The following RANBP17 variants were observed in gnomAD, a reference collection of about 807,000 sequenced individuals.
RANBP17 encodes ran-binding protein 17.
RANBP17 carries 158 observed loss-of-function variants against 141.2 expected under a neutral mutation model. That is an observed-to-expected ratio of 1.12 (90% confidence interval 0.98 to 1.28). The LOEUF (loss-of-function observed/expected upper bound fraction) is 1.28. RANBP17 is among the 50% of genes most tolerant of loss of function. The pLI is 0.00. For missense variants in RANBP17, 1,438 were observed against 1,290.7 expected, an observed-to-expected ratio of 1.11 and a Z score of -1.75; for synonymous variants, 430 against 450.0, an observed-to-expected ratio of 0.96 and a Z score of 0.56.
intron 1 of RANBP17, among the ~76,000 whole-genome samples, chr5:170,875,610 TG>T (rs1418195274): frequency 1.3e-5 from 2 of 152,324 alleles, no homozygotes; most frequent in African/African-American, 4.8e-5. Flanking sequence ...TATTGATACT[TG>T]TGTATGCTTC....
chr5:171,045,037 T>C (rs1782480704), intron 14 of RANBP17, among the ~76,000 whole-genome samples: 1 of 152,092 alleles, frequency 6.6e-6, no homozygotes, highest in Non-Finnish European at 1.5e-5. Context: ...ATGATTCCTT[T>C]AATTATTTTG....
chr5:171,131,972 T>A (rs1756952624), intron 14 of RANBP17, among the ~76,000 whole-genome samples: 1 of 152,238 alleles, frequency 6.6e-6, no homozygotes, highest in Non-Finnish European at 1.5e-5. Context: ...TTATGTTTTG[T>A]CATTTATCTC....
intron 14 of RANBP17, among the ~76,000 whole-genome samples, chr5:171,116,539 C>G (rs762470738): frequency 2.0e-5 from 3 of 152,066 alleles, no homozygotes; most frequent in African/African-American, 4.8e-5. Flanking sequence ...TGTTTTAAAA[C>G]ATTTTCTAAT....
chr5:170,928,170 C>G (rs77453564), intron 12 of RANBP17, among the ~76,000 whole-genome samples: 2,701 of 152,070 alleles, frequency 0.018, 72 homozygotes, highest in African/African-American at 0.061. Context: ...TGTGAAAAGT[C>G]TGTTGCCCAT....
chr5:171,263,488 A>G (rs145648280), intron 24 of RANBP17, among the ~76,000 whole-genome samples: 23 of 152,340 alleles, frequency 1.5e-4, no homozygotes, highest in African/African-American at 5.5e-4. Flanking sequence ...AGTAAATGAG[A>G]TAATAATTTT....
intron 14 of RANBP17, among the ~76,000 whole-genome samples, chr5:171,079,621 G>A (rs1030805403): frequency 2.6e-5 from 4 of 152,128 alleles, no homozygotes; most frequent in Non-Finnish European, 4.4e-5. Context: ...CACCAACATC[G>A]AGGCCAGACC....
chr5:171,011,171 A>G (rs1343684254), intron 14 of RANBP17, among the ~76,000 whole-genome samples: 1 of 152,116 alleles, frequency 6.6e-6, no homozygotes, highest in African/African-American at 2.4e-5. Context: ...AACTTTACCC[A>G]AATTACTAGG....
At chr5:170,900,881 GT>G (rs1561870520) in intron 5 of RANBP17, among the ~76,000 whole-genome samples, 3 of 152,164 alleles carry the variant, frequency 2.0e-5, no homozygotes. Context: ...CTGAGAGACT[GT>G]TATGATTTTG....
intron 16 of RANBP17, among the ~76,000 whole-genome samples, chr5:171,182,832 G>A (rs1760950357): frequency 1.3e-5 from 2 of 152,060 alleles, no homozygotes; most frequent in South Asian, 4.1e-4. Context: ...CATTAAGTAA[G>A]TAGAAGTTCG....
chr5:171,263,898 C>G (rs1766501494), intron 24 of RANBP17, among the ~76,000 whole-genome samples: 1 of 151,924 alleles, frequency 6.6e-6, no homozygotes, highest in Admixed American at 6.6e-5. Context: ...CCTGTCTCTA[C>G]AAAAAATACA....
intron 20 of RANBP17, among the ~76,000 whole-genome samples, chr5:171,211,628 G>C (rs903025071): frequency 7.9e-6 from 1 of 126,138 alleles, no homozygotes; most frequent in Non-Finnish European, 1.7e-5. Flanking sequence ...TGAGGGCAGG[G>C]TTTTTTTTTT....
intron 14 of RANBP17, among the ~76,000 whole-genome samples, chr5:171,096,128 A>G (rs901379942): frequency 6.6e-6 from 1 of 152,152 alleles, no homozygotes; most frequent in African/African-American, 2.4e-5. Flanking sequence ...TGGCAGGCAC[A>G]TTTGATGTAA....
At chr5:171,153,156 G>T (rs374235771) in intron 14 of RANBP17, among the ~76,000 whole-genome samples, 2 of 152,188 alleles carry the variant, frequency 1.3e-5, no homozygotes, top group Non-Finnish European at 1.5e-5. Flanking sequence ...ATTGATTAGA[G>T]TGAGATGGTC....
intron 14 of RANBP17, among the ~76,000 whole-genome samples, chr5:171,069,235 T>A (rs1784495893): frequency 1.3e-5 from 2 of 152,190 alleles, no homozygotes; most frequent in South Asian, 4.1e-4. Context: ...CAACTCTGAT[T>A]TTTGTTAGAC....
intron 14 of RANBP17, among the ~76,000 whole-genome samples, chr5:171,146,833 G>A (rs1758057750): frequency 6.6e-6 from 1 of 152,174 alleles, no homozygotes; most frequent in Non-Finnish European, 1.5e-5. Flanking sequence ...TTTTGTTGGA[G>A]AAGAGGTATA....
chr5:171,130,846 T>C (rs1278831649), intron 14 of RANBP17, among the ~76,000 whole-genome samples: 1 of 152,218 alleles, frequency 6.6e-6, no homozygotes, highest in African/African-American at 2.4e-5. Context: ...GTTGTGAAGA[T>C]GAAAAGCTAG....
chr5:171,177,001 G>T (rs1396661337), intron 16 of RANBP17, among the ~76,000 whole-genome samples: 1 of 152,122 alleles, frequency 6.6e-6, no homozygotes, highest in Non-Finnish European at 1.5e-5. Context: ...TAATATTTCT[G>T]CTTTTGTGAA....
intron 14 of RANBP17, 59 bp downstream of exon 14, chr5:170,968,436 T>C (rs755966413): frequency 7.0e-7 from 1 of 1,426,148 alleles, no homozygotes; most frequent in Non-Finnish European, 9.9e-7. Context: ...GATGTACATA[T>C]ATAACTGAAT....
intron 14 of RANBP17, among the ~76,000 whole-genome samples, chr5:171,013,331 A>G (rs1304825116): frequency 6.6e-6 from 1 of 152,122 alleles, no homozygotes; most frequent in East Asian, 1.9e-4. Context: ...CGACTTTCCT[A>G]TTGAGAAACC....
Sources: gnomAD v4.1 joint callset for allele counts (sites outside exome capture counted in the v4.1 genomes callset) on GRCh38, gnomAD v4.1.1 for gene constraint, MANE v1.5 for transcripts, NCBI Gene and HGNC (gene_info 2026-07-23, HGNC 2026-07-21) for gene names.